MIER3: variants seen among roughly 807,000 people sequenced by gnomAD.
The protein encoded by MIER3 is mesoderm induction early response protein 3.
Under a neutral mutation model 63.2 loss-of-function variants are expected in MIER3, and 9 were observed. The ratio of observed to expected loss-of-function variants is 0.14; its 90% CI spans 0.09 to 0.25. The LOEUF is 0.25. Among genes scored for constraint, MIER3 ranks in the 10% least tolerant of loss-of-function variants. MIER3 has a pLI of 1.00. For synonymous variants in MIER3, 205 were observed against 224.9 expected (o/e 0.91, Z 0.79); for missense variants, 512 against 666.2 (o/e 0.77, Z 2.55).
In MIER3 at chr5:56,928,880, T is replaced by C. The variant is rs376916899; in HGVS notation, c.830-19A>G. ...ATTCCTTCTAAGAAAAATTTTAAAATAAAATTTATGGGCCCCCAAATTTTC... is the reference window on the plus strand; with the variant it reads ...ATTCCTTCTAAGAAAAATTTTAAAACAAAATTTATGGGCCCCCAAATTTTC... On this transcript the variant is annotated intron_variant, in intron 9 of 12. Coordinates refer to ENST00000381199, the MANE Select transcript of MIER3 (RefSeq NM_001297599.2). 313 of 1,593,474 alleles carry C rather than the reference T, an allele frequency of 2.0e-4. No individual in the cohort carries two copies. The highest frequency in any genetic ancestry group is 2.5e-4 in the Non-Finnish European group (296 of 1,165,882).
In MIER3 at chr5:56,930,619, G is replaced by T. The variant is rs763289444; in HGVS notation, c.829+45C>A. 2.6e-6 allele frequency: 4 copies of T among 1,510,438 alleles called. No homozygotes were observed. In the South Asian group the frequency reaches 3.4e-5, roughly 13 times the overall value. 93.6% of individuals were successfully genotyped at this position (1,510,438 alleles called of 1,614,324 possible). ...ACTTTGCTTATTCTGATCCCCAAATGACCATCCCTGTCATGTCCCTCTCTT... is the reference window on the plus strand; with the variant it reads ...ACTTTGCTTATTCTGATCCCCAAATTACCATCCCTGTCATGTCCCTCTCTT... On this transcript the variant is annotated intron_variant, in intron 9 of 12. Coordinates refer to ENST00000381199, the MANE Select transcript of MIER3 (RefSeq NM_001297599.2).
intron 10 of MIER3, among the ~76,000 whole-genome samples, chr5:56,926,448 G>GA (rs201465195): frequency 2.2e-4 from 33 of 148,564 alleles, no homozygotes; most frequent in Admixed American, 1.1e-3. Context: ...ATGAACACCT[G>GA]AAAAAAAAAC....
In MIER3 at chr5:56,921,792, CTATTT is replaced by C. The variant is rs1749686988; in HGVS notation, c.*1331_*1335del. ...AAGACGGTGCAAACAACATAATTCT[CTATTT>C]TAACAGTACTACAAAAGCAAAGATT... On this transcript the variant is annotated 3_prime_UTR_variant, in exon 13 of 13. Coordinates refer to ENST00000381199, the MANE Select transcript of MIER3 (RefSeq NM_001297599.2). 1 of 152,708 alleles carries C rather than the reference CTATTT, an allele frequency of 6.5e-6. No homozygotes were observed. The highest frequency in any genetic ancestry group is 2.4e-5 in the African/African-American group (1 of 41,566). 9.5% of individuals were successfully genotyped at this position (152,708 alleles called of 1,614,324 possible). A position where few individuals can be genotyped will look rare whatever the true frequency, so the allele number is the denominator to read the frequency against.
rs1749677769 is a variant in MIER3, at chr5:56,921,624, C to G, written c.*1504G>C. 6.6e-6 allele frequency: 1 copy of G among 152,608 alleles called. No homozygotes were observed. The highest frequency in any genetic ancestry group is 1.5e-5 in the Non-Finnish European group (1 of 68,002). 9.5% of individuals were successfully genotyped at this position (152,608 alleles called of 1,614,324 possible). A position where few individuals can be genotyped will look rare whatever the true frequency, so the allele number is the denominator to read the frequency against. On this transcript the variant is annotated 3_prime_UTR_variant, in exon 13 of 13. Transcript: ENST00000381199. Reference sequence around the variant, plus strand: ...GTTCACAGTTTGTATAATAAATACCCTCCCTTTCAATCACTACTAAGATCA... The same window carrying G: ...GTTCACAGTTTGTATAATAAATACCGTCCCTTTCAATCACTACTAAGATCA...
chr5:56,923,431 A>G lies in MIER3; in HGVS notation c.1350T>C (p.Ser450=), dbSNP rs551756864. 1 of 1,614,120 alleles carries G rather than the reference A, an allele frequency of 6.2e-7. No individual in the cohort carries two copies. The highest frequency in any genetic ancestry group is 2.2e-5 in the East Asian group (1 of 44,880). The part of the protein sequence containing the change: ...ELLTLPSNGE[S]DCFNLFETGF... Reference sequence around the variant, plus strand: ...CAGTCTCAAATAAATTAAAACAATCACTTTCCCCATTGCTGGGCAGGGTGA... The same window carrying G: ...CAGTCTCAAATAAATTAAAACAATCGCTTTCCCCATTGCTGGGCAGGGTGA... The change falls in exon 13 of 13, where the codon AGT becomes AGC. Residue 450 remains serine, a synonymous_variant. Coordinates refer to ENST00000381199, the MANE Select transcript of MIER3 (RefSeq NM_001297599.2).
At chr5:56,940,954 A>G (rs1750625425) in intron 3 of MIER3, 1 of 985,042 alleles carries the variant, frequency 1.0e-6, no homozygotes, top group African/African-American at 1.7e-5. Flanking sequence ...GCAGAACCTC[A>G]CAGTTTCACA....
At chr5:56,949,915 C>T (rs1460280698) in intron 2 of MIER3, among the ~76,000 whole-genome samples, 10 of 152,124 alleles carry the variant, frequency 6.6e-5, no homozygotes, top group African/African-American at 2.4e-4. Context: ...GAGGAAAGGT[C>T]CTTATGGACC....
At chr5:56,941,364 C>CCTAT in intron 3 of MIER3, 4 of 155,968 alleles carry the variant, frequency 2.6e-5, no homozygotes, top group Non-Finnish European at 2.8e-5. Context: ...ATAGGGCTGC[C>CCTAT]AAGTTTGATG....
Position 56,952,012 on chromosome 5 carries a change from C to A in MIER3, c.9+82G>T, listed in dbSNP as rs1265536407. 3.5e-6 allele frequency: 4 copies of A among 1,149,540 alleles called. No homozygotes were observed. In the Admixed American group the frequency reaches 1.7e-4, roughly 49 times the overall value. The allele number at this position is 1,149,540 out of a possible 1,614,324, so 71.2% of individuals were successfully genotyped here. A position where few individuals can be genotyped will look rare whatever the true frequency, so the allele number is the denominator to read the frequency against. The stretch of plus-strand genomic sequence containing the variant: ...TGGGGCAGCGGAAAGAGCCCCGGAT[C>A]CCCCAGGCTGGCTCGGGGGTCGCGG... On this transcript the variant is annotated intron_variant, in intron 1 of 12. Coordinates refer to ENST00000381199, the MANE Select transcript of MIER3 (RefSeq NM_001297599.2).
intron 1 of MIER3, 100 bp from the exon 2 acceptor site, chr5:56,950,752 C>T: frequency 2.2e-6 from 3 of 1,356,372 alleles, no homozygotes; most frequent in South Asian, 1.2e-5. Context: ...AGCGCTCCTC[C>T]GCAGCTGCCA....
intron 5 of MIER3, 97 bp from the exon 6 acceptor site, chr5:56,935,848 GATCAGCATAAGTATACTA>G: frequency 1.1e-6 from 1 of 880,266 alleles, no homozygotes; most frequent in Admixed American, 2.2e-5. Context: ...AAATATGTGA[GATCAGCATAAGTATACTA>G]AACCACCTGC....
intron 3 of MIER3, among the ~76,000 whole-genome samples, chr5:56,944,601 T>A (rs1005535305): frequency 6.6e-6 from 1 of 152,234 alleles, no homozygotes; most frequent in Non-Finnish European, 1.5e-5. Context: ...CAAATGAGGC[T>A]GAGATGCATT....
chr5:56,938,306 T>C, intron 4 of MIER3: 1 of 471,214 alleles, frequency 2.1e-6, no homozygotes, highest in South Asian at 1.5e-5. Context: ...AGGAAGAGGT[T>C]CCAAGATGTG....
intron 2 of MIER3, among the ~76,000 whole-genome samples, chr5:56,950,300 A>G (rs1480100995): frequency 3.3e-5 from 5 of 152,250 alleles, no homozygotes; most frequent in Non-Finnish European, 7.3e-5. Flanking sequence ...GTTAAAATCT[A>G]AATTGCTAAA....
intron 8 of MIER3, 115 bp downstream of exon 8, chr5:56,933,132 A>AGG (rs2112106921): frequency 8.7e-7 from 1 of 1,153,452 alleles, no homozygotes; most frequent in East Asian, 2.7e-5. Context: ...TGCATATTTT[A>AGG]AAACTCTTAT....
intron 1 of MIER3, among the ~76,000 whole-genome samples, chr5:56,951,316 C>A (rs1478372063): frequency 6.6e-6 from 1 of 152,114 alleles, no homozygotes. Flanking sequence ...GAGCTCCAGC[C>A]CAGGGGCTCC....
chr5:56,946,710 A>T (rs1287665886), intron 3 of MIER3, among the ~76,000 whole-genome samples: 1 of 152,058 alleles, frequency 6.6e-6, no homozygotes, highest in Non-Finnish European at 1.5e-5. Context: ...ACGTGTACCT[A>T]CTTCACTGTG....
intron 1 of MIER3, among the ~76,000 whole-genome samples, chr5:56,951,341 CT>C (rs1431115835): frequency 6.6e-6 from 1 of 152,038 alleles, no homozygotes; most frequent in Non-Finnish European, 1.5e-5. Flanking sequence ...ACACCGCCCC[CT>C]CCCCCCAGCT....
At chr5:56,933,200 G>A (rs1750332410) in intron 8 of MIER3, 47 bp downstream of exon 8, 3 of 1,500,530 alleles carry the variant, frequency 2.0e-6, no homozygotes, top group Admixed American at 2.3e-5. Context: ...AAGAAATCAA[G>A]AAGATACTGT....
Sources: allele counts gnomAD v4.1 joint callset (sites outside exome capture counted in the v4.1 genomes callset), GRCh38; gene constraint gnomAD v4.1.1; transcripts MANE v1.5; gene names NCBI Gene and HGNC (gene_info 2026-07-23, HGNC 2026-07-21).